The following XRCC1 variants were observed in gnomAD, a reference collection of about 807,000 sequenced individuals.
The protein encoded by XRCC1 is DNA repair protein XRCC1.
Under a neutral mutation model 83.3 loss-of-function variants are expected in XRCC1, and 52 were observed. That is an observed-to-expected ratio of 0.62 (90% CI 0.50 to 0.79). The LOEUF is 0.79. Among genes scored for constraint, XRCC1 ranks in the 30% least tolerant of loss-of-function variants. The probability of loss-of-function intolerance (pLI) is 0.00; values close to 1 mark genes in which losing one functional copy is unlikely to be tolerated. For synonymous variants in XRCC1, 281 were observed against 312.6 expected (o/e 0.90, Z 1.07); for missense variants, 793 against 823.5 (o/e 0.96, Z 0.45).
intron 10 of XRCC1, among the ~76,000 whole-genome samples, chr19:43,550,529 C>G: frequency 6.6e-6 from 1 of 152,174 alleles, no homozygotes; most frequent in Non-Finnish European, 1.5e-5. Context: ...TTCTCAAATA[C>G]ACCAGGTACA....
intron 3 of XRCC1, among the ~76,000 whole-genome samples, chr19:43,557,670 G>A (rs1225206837): frequency 1.3e-5 from 2 of 151,866 alleles, no homozygotes; most frequent in Non-Finnish European, 2.9e-5. Context: ...GCACAGGCCT[G>A]TAATCCGAGC....
intron 2 of XRCC1, among the ~76,000 whole-genome samples, chr19:43,570,721 G>A (rs1310360053): frequency 6.6e-6 from 1 of 152,206 alleles, no homozygotes; most frequent in Non-Finnish European, 1.5e-5. Context: ...GGAGGTTGAG[G>A]CTACAGTGAG....
chr19:43,554,588 T>A, intron 4 of XRCC1, 58 bp downstream of exon 4: 1 of 1,546,056 alleles, frequency 6.5e-7, no homozygotes, highest in Non-Finnish European at 8.8e-7. Flanking sequence ...ATATTGGCCC[T>A]TATTTCCCTC....
chr19:43,544,378 C>T, intron 14 of XRCC1, 144 bp from the exon 15 acceptor site: 4 of 695,408 alleles, frequency 5.8e-6, no homozygotes, highest in South Asian at 2.0e-5. Context: ...GGACCCTGCC[C>T]AGCGGCCCAT....
chr19:43,551,984 T>C (rs564280897), intron 9 of XRCC1, 33 bp downstream of exon 9: 2 of 1,609,070 alleles, frequency 1.2e-6, no homozygotes, highest in Admixed American at 1.7e-5. Flanking sequence ...GGGGAGAAAC[T>C]GCAGCGGCGC....
intron 3 of XRCC1, chr19:43,555,047 T>C: frequency 2.8e-6 from 1 of 351,384 alleles, no homozygotes; most frequent in Non-Finnish European, 5.1e-6. Flanking sequence ...AATTCTCCCA[T>C]GGAGTCTTCC....
chr19:43,561,972 C>T (rs1369903246), intron 2 of XRCC1, among the ~76,000 whole-genome samples: 2 of 151,350 alleles, frequency 1.3e-5, no homozygotes, highest in African/African-American at 2.4e-5. Context: ...ATGGCAAAAC[C>T]CCTTCTCTAC....
intron 8 of XRCC1, among the ~76,000 whole-genome samples, chr19:43,552,541 G>A (rs184375251): frequency 4.0e-4 from 60 of 148,262 alleles, no homozygotes; most frequent in African/African-American, 1.5e-3. Context: ...AGGGATCCAG[G>A]CCCCCAACCC....
At chr19:43,546,494 C>T in intron 12 of XRCC1, 101 bp downstream of exon 12, 3 of 1,380,178 alleles carry the variant, frequency 2.2e-6, no homozygotes, top group African/African-American at 1.5e-5. Flanking sequence ...GGAGTCCAGG[C>T]CCCAGCCCCT....
intron 2 of XRCC1, among the ~76,000 whole-genome samples, chr19:43,570,298 C>T (rs993343737): frequency 6.6e-6 from 1 of 152,186 alleles, no homozygotes; most frequent in African/African-American, 2.4e-5. Context: ...ACCCCTCCAG[C>T]CCAGGAGTAG....
At position 43,552,219 on chromosome 19, in the gene XRCC1, C is replaced by T. The variant is rs904017527; in HGVS notation, c.880G>A (p.Ala294Thr). Residue 294 changes from alanine to threonine, a missense_variant, in exon 9 of 17, where the codon GCA becomes ACA. Transcript: ENST00000262887. ...TCTCCTCGGGGTTTGCCTGTCACTG[C>T]CCCCTGTGCTCGGGCAGGGACTGGG... ...TAPVPARAQG[A>T]VTGKPRGEGT... The T allele has an allele frequency of 1.9e-6, 3 of 1,613,498 alleles. No homozygotes were observed. The highest frequency in any genetic ancestry group is 2.5e-6 in the Non-Finnish European group (3 of 1,179,892).
chr19:43,558,767 C>T (rs371440788), intron 3 of XRCC1, among the ~76,000 whole-genome samples: 45 of 151,140 alleles, frequency 3.0e-4, no homozygotes, highest in African/African-American at 9.9e-4. Context: ...GAAATAAACC[C>T]ATACATATGG....
rs145528895 is a variant in XRCC1 at position 43,553,512 on chromosome 19, T to G, written c.490A>C (p.Lys164Gln). The G allele has an allele frequency of 6.2e-6, 10 of 1,613,936 alleles. No homozygotes were observed. The African/African-American group carries it at 1.3e-4, about 22-fold the overall frequency. ...DKDEAEAPSQ[K>Q]VTVTKLGQFR... ...TGGCCAAGCTTGGTCACTGTCACCT[T>G]CTAAGGTCCCGCAAGGTCAGTATTA... The change falls in exon 6 of 17, where the codon AAG becomes CAG. Residue 164 changes from lysine (K) to glutamine (Q), a missense_variant and splice_region_variant. Transcript: ENST00000262887.
chr19:43,553,437 C>A lies in XRCC1; in HGVS notation c.565G>T (p.Ala189Ser), dbSNP rs1417654314. The A allele has an allele frequency of 1.2e-6, 2 of 1,613,986 alleles. No homozygotes were observed. Among genetic ancestry groups the A allele is most frequent in the South Asian group, 1.1e-5 (1 of 91,084 alleles). Residue 189 changes from alanine (A) to serine (S), a missense_variant, in exon 6 of 17, where the codon GCT becomes TCT. Physicochemically the swap from Ala to Ser is moderately conservative, Grantham distance 99. Transcript: ENST00000262887. The part of the protein sequence containing the change: ...DESANSLRPG[A>S]LFFSRINKTS... ...TTGTTGATCCGGCTGAAGAAGAGAGCCCCCGGCCTCAGAGAGTTGGCGCTC... is the reference window on the plus strand; with the variant it reads ...TTGTTGATCCGGCTGAAGAAGAGAGACCCCGGCCTCAGAGAGTTGGCGCTC...
chr19:43,574,724 CT>C (rs1972837117), intron 2 of XRCC1, 185 bp downstream of exon 2: 3 of 593,144 alleles, frequency 5.1e-6, no homozygotes, highest in Non-Finnish European at 9.1e-6. Flanking sequence ...TCATCCTGGA[CT>C]TAATCCTTGG....
chr19:43,565,319 T>A (rs140056160), intron 2 of XRCC1, among the ~76,000 whole-genome samples: 5 of 152,318 alleles, frequency 3.3e-5, no homozygotes, highest in African/African-American at 1.2e-4. Flanking sequence ...AAGGGTCTGT[T>A]ACGACTCCAG....
intron 2 of XRCC1, among the ~76,000 whole-genome samples, chr19:43,562,296 C>T (rs71362659): frequency 1.1e-3 from 168 of 152,266 alleles, no homozygotes; most frequent in Non-Finnish European, 2.0e-3. Flanking sequence ...AGGAACACCA[C>T]TGTATGGAAG....
intron 9 of XRCC1, 60 bp from the exon 10 acceptor site, chr19:43,551,747 G>T: frequency 8.3e-7 from 1 of 1,208,580 alleles, no homozygotes; most frequent in South Asian, 1.2e-5. Context: ...AAAGGGGAAC[G>T]AGACAGGGGA....
chr19:43,570,604 T>G lies in XRCC1; in HGVS notation c.144+4306A>C, dbSNP rs148854004. 2.8e-3 allele frequency among the ~76,000 whole-genome samples: 433 copies of G among 152,200 alleles called. 6 individuals are homozygous for G. Among genetic ancestry groups the G allele is most frequent in the African/African-American group, 9.9e-3 (413 of 41,518 alleles). On this transcript the variant is annotated intron_variant, in intron 2 of 16. Transcript: ENST00000262887. ...TCCGAGACCAGGCTGGGCAACATAG[T>G]GAGACCCCATCTCTACGAAAAATTT...
Sources: gnomAD v4.1 joint callset for allele counts (sites outside exome capture counted in the v4.1 genomes callset) on GRCh38, gnomAD v4.1.1 for gene constraint, MANE v1.5 for transcripts, NCBI Gene and HGNC (gene_info 2026-07-23, HGNC 2026-07-21) for gene names.